SPAG6: variants seen among roughly 807,000 people sequenced by gnomAD.
The protein encoded by SPAG6 is sperm-associated antigen 6.
Under a neutral mutation model 58.5 loss-of-function variants are expected in SPAG6, and 49 were observed. That is an observed-to-expected ratio of 0.84 (90% CI 0.67 to 1.06). The LOEUF (loss-of-function observed/expected upper bound fraction) is 1.06. Among genes scored for constraint, SPAG6 ranks in the 50% least tolerant of loss-of-function variants. The probability of loss-of-function intolerance (pLI) is 0.00; values close to 1 mark genes in which losing one functional copy is unlikely to be tolerated. For synonymous variants in SPAG6, 233 were observed against 225.6 expected (o/e 1.03, Z -0.29); for missense variants, 560 against 611.3 (o/e 0.92, Z 0.89).
intron 2 of SPAG6, among the ~76,000 whole-genome samples, chr10:22,354,138 T>C (rs144091525): frequency 6.6e-6 from 1 of 152,186 alleles, no homozygotes; most frequent in Non-Finnish European, 1.5e-5. Context: ...CCACTTTGTG[T>C]TTTAGAAAGG....
chr10:22,374,417 A>G (rs1833770290), intron 4 of SPAG6, among the ~76,000 whole-genome samples: 1 of 152,116 alleles, frequency 6.6e-6, no homozygotes, highest in South Asian at 2.1e-4. Flanking sequence ...CACAATGTAC[A>G]ATACTGTATT....
chr10:22,402,205 AC>A (rs1834430304), intron 9 of SPAG6, among the ~76,000 whole-genome samples: 1 of 152,194 alleles, frequency 6.6e-6, no homozygotes, highest in South Asian at 2.1e-4. Flanking sequence ...CATATTAAGC[AC>A]GCAAAAGAAC....
intron 4 of SPAG6, among the ~76,000 whole-genome samples, chr10:22,373,088 G>A (rs184039969): frequency 2.7e-4 from 41 of 152,134 alleles, no homozygotes; most frequent in African/African-American, 4.8e-4. Context: ...TCTAATCTCC[G>A]TTGGCCGCTT....
Position 22,346,012 on chromosome 10 carries a change from C to T in SPAG6, c.121+194C>T, listed in dbSNP as rs762143986. 5 of 1,546,118 alleles carry T rather than the reference C, an allele frequency of 3.2e-6. No individual in the cohort carries two copies. The South Asian group carries it at 6.0e-5, about 19-fold the overall frequency. Reference sequence around the variant, plus strand: ...AGCTTCCAGATGGTTGTGGGAGGTGCGCGTTGTCCCTGTTTCCATCTTCAT... The same window carrying T: ...AGCTTCCAGATGGTTGTGGGAGGTGTGCGTTGTCCCTGTTTCCATCTTCAT... On this transcript the variant is annotated intron_variant, in intron 2 of 10. Transcript: ENST00000376624.
intron 3 of SPAG6, among the ~76,000 whole-genome samples, chr10:22,365,489 GTTATAGGCATGCCAAC>G (rs1837171673): frequency 6.6e-6 from 1 of 152,178 alleles, no homozygotes; most frequent in Admixed American, 6.5e-5. Flanking sequence ...TTTTTACCAA[GTTATAGGCATGCCAAC>G]TCTGTTAAGC....
intron 4 of SPAG6, among the ~76,000 whole-genome samples, chr10:22,381,160 T>A (rs1833945663): frequency 6.6e-6 from 1 of 152,056 alleles, no homozygotes. Context: ...ACTTCAAAAA[T>A]TAAAAGTAGA....
chr10:22,370,583 A>G (rs1833661543), intron 4 of SPAG6, among the ~76,000 whole-genome samples: 1 of 152,238 alleles, frequency 6.6e-6, no homozygotes, highest in Admixed American at 6.5e-5. Flanking sequence ...CTATGGTTAT[A>G]TTTAATTTGG....
Position 22,345,580 on chromosome 10 carries a change from G to T in SPAG6, c.-32G>T. 6.6e-7 allele frequency: 1 copy of T among 1,521,412 alleles called. No homozygotes were observed. 94.2% of individuals were successfully genotyped at this position (1,521,412 alleles called of 1,614,324 possible). A position where few individuals can be genotyped will look rare whatever the true frequency, so the allele number is the denominator to read the frequency against. On this transcript the variant is annotated 5_prime_UTR_variant, in exon 1 of 11. Coordinates refer to ENST00000376624, the MANE Select transcript of SPAG6 (RefSeq NM_012443.4). This position sits in a 1 kb window ranked among gnomAD's most constrained non-coding sequence, Gnocchi z 6.3. ...GCAGGCCGAGCGGCTTCCCCGCAGA[G>T]CTCGAGGAGGGCAGACGGCGGCGGG...
intron 2 of SPAG6, among the ~76,000 whole-genome samples, chr10:22,353,743 CAT>C (rs1448100973): frequency 1.3e-5 from 2 of 152,100 alleles, no homozygotes; most frequent in Admixed American, 6.5e-5. Flanking sequence ...AATGGAAAGA[CAT>C]ATAAATAAAT....
chr10:22,412,594 A>G, intron 10 of SPAG6: 2 of 753,676 alleles, frequency 2.7e-6, no homozygotes, highest in Non-Finnish European at 4.2e-6. Flanking sequence ...TAATTAGTCT[A>G]CATATAACAC....
intron 4 of SPAG6, among the ~76,000 whole-genome samples, chr10:22,378,447 A>C (rs1205362950): frequency 6.6e-6 from 1 of 151,018 alleles, no homozygotes. Context: ...AGCAAAATGC[A>C]AAGTTATAGG....
intron 10 of SPAG6, chr10:22,412,529 C>T: frequency 7.1e-7 from 1 of 1,416,812 alleles, no homozygotes; most frequent in Non-Finnish European, 9.6e-7. Context: ...AATAGGTAAG[C>T]TTTGAAATAT....
At chr10:22,376,720 C>T (rs1833823612) in intron 4 of SPAG6, among the ~76,000 whole-genome samples, 1 of 152,004 alleles carries the variant, frequency 6.6e-6, no homozygotes, top group South Asian at 2.1e-4. Context: ...TTAGTCTTCT[C>T]CTGTCTTATA....
Position 22,389,201 on chromosome 10 carries a change from G to A in SPAG6, c.894G>A (p.Val298=). Reference sequence around the variant, plus strand: ...TTAACGCAGGAGGGGTTGCTGCCGTGATTGACTGCATTGGGTCCTGCAAAG... The same window carrying A: ...TTAACGCAGGAGGGGTTGCTGCCGTAATTGACTGCATTGGGTCCTGCAAAG... ...LVVNAGGVAA[V]IDCIGSCKGN... is the part of the protein sequence containing the mutation. Residue 298 remains valine, a synonymous_variant, in exon 7 of 11, where the codon GTG becomes GTA. Transcript: ENST00000376624. 6.2e-7 allele frequency: 1 copy of A among 1,613,490 alleles called. No individual in the cohort carries two copies. Among genetic ancestry groups the A allele is most frequent in the Middle Eastern group, 1.7e-4 (1 of 5,968 alleles).
intron 8 of SPAG6, among the ~76,000 whole-genome samples, chr10:22,398,562 A>C (rs959654931): frequency 6.6e-6 from 1 of 152,274 alleles, no homozygotes; most frequent in South Asian, 2.1e-4. Flanking sequence ...CCCTATCTCT[A>C]CAAAAAACAA....
At position 22,345,780 on chromosome 10, in the gene SPAG6, C is replaced by G. The variant is rs1836504383; in HGVS notation, c.83C>G (p.Ala28Gly). The G allele has an allele frequency of 6.2e-7, 1 of 1,613,520 alleles. No individual in the cohort carries two copies. Residue 28 changes from alanine to glycine, a missense_variant, in exon 2 of 11, where the codon GCG (alanine) becomes GGG (glycine). Ala to Gly is a moderately conservative substitution (Grantham distance 60, BLOSUM62 0). Coordinates refer to ENST00000376624, the MANE Select transcript of SPAG6 (RefSeq NM_012443.4). The surrounding 1 kb of genome is among the most constrained non-coding windows in gnomAD (Gnocchi z 6.3). ...TQFVQMVAEL[A>G]TRPQNIETLQ... The stretch of plus-strand genomic sequence containing the variant: ...TTCGTGCAGATGGTGGCGGAGCTGG[C>G]GACTAGACCCCAAAACATCGAGACG...
In SPAG6 at chr10:22,411,187, T is replaced by A. The variant is rs201674543; in HGVS notation, c.1460+11T>A. On this transcript the variant is annotated intron_variant, in intron 10 of 10. Coordinates refer to ENST00000376624, the MANE Select transcript of SPAG6 (RefSeq NM_012443.4). ...CGAGGAAATAGTGAGGTGGGGAAAA[T>A]GGACTTTGAAACGTTCAATATTAGA... is the stretch of plus-strand genomic sequence containing the variant. The A allele has an allele frequency of 2.1e-4, 339 of 1,597,612 alleles. No homozygotes were observed. Among genetic ancestry groups the A allele is most frequent in the Admixed American group, 1.1e-3 (63 of 56,800 alleles).
Position 22,375,480 on chromosome 10 carries a change from T to C in SPAG6, c.472+6802T>C, listed in dbSNP as rs536381932. Among the ~76,000 whole-genome samples the C allele has an allele frequency of 2.0e-5, 3 of 152,314 alleles. No individual in the cohort carries two copies. In the South Asian group the frequency reaches 6.2e-4, roughly 32 times the overall value. On this transcript the variant is annotated intron_variant, in intron 4 of 10. Transcript: ENST00000376624. ...TCTCATCATGTTAGCTGACTGATTT[T>C]GCACAGTTAATTTTTGGAGCTTGGT...
chr10:22,371,632 T>G (rs1833697324), intron 4 of SPAG6, among the ~76,000 whole-genome samples: 1 of 152,178 alleles, frequency 6.6e-6, no homozygotes, highest in African/African-American at 2.4e-5. Flanking sequence ...TTGAGATTAA[T>G]GAATATTAGT....
Sources: gnomAD v4.1 joint callset for allele counts (sites outside exome capture counted in the v4.1 genomes callset) on GRCh38, gnomAD v4.1.1 for gene constraint, Gnocchi (gnomAD v3.1) non-coding constraint, MANE v1.5 for transcripts, NCBI Gene and HGNC (gene_info 2026-07-23, HGNC 2026-07-21) for gene names.